ZMYM2: variants seen among roughly 807,000 people sequenced by gnomAD.
The protein encoded by ZMYM2 is zinc finger MYM-type containing 2, also known as zinc finger MYM-type protein 2.
In ZMYM2, 56 loss-of-function variants were observed where a neutral mutation model predicts 162.8. That is an observed-to-expected ratio of 0.34 (90% CI 0.28 to 0.43). ZMYM2 has a LOEUF of 0.43. Among genes scored for constraint, ZMYM2 ranks in the 20% least tolerant of loss-of-function variants. The pLI is 1.00. For missense variants in ZMYM2, 1,275 were observed against 1,621.8 expected (o/e 0.79, Z 3.67); for synonymous variants, 510 against 541.6 (o/e 0.94, Z 0.81).
the ZMYM2 span, among the ~76,000 whole-genome samples, chr13:19,873,005 AAAAT>A: frequency 6.6e-6 from 1 of 151,698 alleles, no homozygotes. Flanking sequence ...ACCCCAAAAA[AAAAT>A]AAATAAATAA....
At chr13:19,988,611 G>A (rs996246250) in intron 2 of ZMYM2, among the ~76,000 whole-genome samples, 16 of 152,034 alleles carry the variant, frequency 1.1e-4, no homozygotes, top group Admixed American at 2.6e-4. Flanking sequence ...GTGAAACCCC[G>A]TCTCTACTGA....
At chr13:20,001,105 A>T (rs1396240217) in intron 3 of ZMYM2, among the ~76,000 whole-genome samples, 2 of 152,166 alleles carry the variant, frequency 1.3e-5, no homozygotes, top group Admixed American at 1.3e-4. Flanking sequence ...GTGGAACCTG[A>T]ATGAGGCTGG....
At chr13:20,022,868 G>A (rs1433332199) in intron 7 of ZMYM2, among the ~76,000 whole-genome samples, 1 of 152,054 alleles carries the variant, frequency 6.6e-6, no homozygotes, top group Non-Finnish European at 1.5e-5. Context: ...TGGTAATAAG[G>A]ACAGATTCAT....
chr13:19,959,404 G>GGCGCT (rs1281044545), intron 1 of ZMYM2, among the ~76,000 whole-genome samples: 1 of 152,084 alleles, frequency 6.6e-6, no homozygotes, highest in Admixed American at 6.5e-5. Context: ...TCTTTTCCTC[G>GGCGCT]GCGCTGCGCT....
At chr13:20,012,801 A>G (rs964708255) in intron 6 of ZMYM2, among the ~76,000 whole-genome samples, 13 of 152,124 alleles carry the variant, frequency 8.5e-5, no homozygotes, top group East Asian at 1.9e-4. Context: ...GATCATTTCT[A>G]TGTTCCACTG....
chr13:20,030,501 C>G (rs1187426772), intron 9 of ZMYM2, among the ~76,000 whole-genome samples: 2 of 151,928 alleles, frequency 1.3e-5, no homozygotes, highest in African/African-American at 4.8e-5. Flanking sequence ...TGGGTTCACG[C>G]CATTCTCCTG....
the ZMYM2 span, among the ~76,000 whole-genome samples, chr13:19,909,145 AT>A: frequency 6.6e-6 from 1 of 152,034 alleles, no homozygotes; most frequent in Non-Finnish European, 1.5e-5. Flanking sequence ...TGTTTATATA[AT>A]TTTTTTCCTA....
At chr13:20,021,004 C>G (rs1952038030) in intron 7 of ZMYM2, among the ~76,000 whole-genome samples, 2 of 150,796 alleles carry the variant, frequency 1.3e-5, no homozygotes, top group African/African-American at 4.9e-5. Flanking sequence ...GAGATGGAGC[C>G]TTGCTCTGTC....
chr13:20,083,869 T>A (rs1958065848), intron 24 of ZMYM2, 93 bp downstream of exon 24: 1 of 1,275,896 alleles, frequency 7.8e-7, no homozygotes, highest in East Asian at 2.5e-5. Flanking sequence ...TTTAGATGGA[T>A]TCTTTCTCAG....
the ZMYM2 span, among the ~76,000 whole-genome samples, chr13:19,927,813 T>G: frequency 1.5e-4 from 23 of 152,304 alleles, no homozygotes; most frequent in Admixed American, 1.1e-3. Flanking sequence ...TTTATATTGT[T>G]GAATAACTTA....
intron 6 of ZMYM2, among the ~76,000 whole-genome samples, chr13:20,010,851 G>A (rs1023685057): frequency 6.6e-6 from 1 of 152,136 alleles, no homozygotes; most frequent in Non-Finnish European, 1.5e-5. Context: ...ATGTTGGTGA[G>A]GCTGGTCTCA....
intron 12 of ZMYM2, among the ~76,000 whole-genome samples, chr13:20,050,864 G>A (rs1222990819): frequency 1.3e-5 from 2 of 151,948 alleles, no homozygotes; most frequent in African/African-American, 4.8e-5. Context: ...TTGGTTTTCA[G>A]AACATTTAAA....
At chr13:20,021,427 A>G (rs1026948768) in intron 7 of ZMYM2, among the ~76,000 whole-genome samples, 1 of 144,716 alleles carries the variant, frequency 6.9e-6, no homozygotes, top group Non-Finnish European at 1.5e-5. Context: ...GAATATTGTG[A>G]ATTTCACATT....
At chr13:19,985,718 A>G (rs2139589970) in intron 2 of ZMYM2, among the ~76,000 whole-genome samples, 1 of 151,826 alleles carries the variant, frequency 6.6e-6, no homozygotes, top group South Asian at 2.1e-4. Flanking sequence ...GAAAAAAAAA[A>G]AGAAAAATTT....
At position 19,971,769 on chromosome 13, in the gene ZMYM2, T is replaced by G. The variant is rs569099212; in HGVS notation, c.-11+11743T>G. On this transcript the variant is annotated intron_variant, in intron 2 of 24. Transcript: ENST00000610343. ...TGTAGGGGAAGAAAGGAGAAAAAAT[T>G]AAGAATGATCTCCAGATTTCTATTA... Among the ~76,000 whole-genome samples the G allele has an allele frequency of 1.4e-4, 21 of 151,898 alleles. No homozygotes were observed. The South Asian group carries it at 2.7e-3, about 20-fold the overall frequency.
chr13:19,894,322 T>G, the ZMYM2 span, among the ~76,000 whole-genome samples: 26 of 151,754 alleles, frequency 1.7e-4, no homozygotes, highest in Non-Finnish European at 3.8e-4. Flanking sequence ...GCAAGGCCTA[T>G]TTTATAATAA....
At chr13:20,016,211 T>C (rs1048594876) in intron 6 of ZMYM2, among the ~76,000 whole-genome samples, 6 of 152,086 alleles carry the variant, frequency 3.9e-5, no homozygotes, top group Non-Finnish European at 7.4e-5. Context: ...AGGCTTTACA[T>C]ATAACATCCT....
chr13:20,014,623 G>T (rs1951460530), intron 6 of ZMYM2, among the ~76,000 whole-genome samples: 2 of 151,044 alleles, frequency 1.3e-5, no homozygotes, highest in Non-Finnish European at 3.0e-5. Context: ...CCAACTTTTG[G>T]GTTTGTTTCT....
chr13:19,962,824 ATT>A (rs34502556), intron 2 of ZMYM2, among the ~76,000 whole-genome samples: 5 of 113,524 alleles, frequency 4.4e-5, no homozygotes, highest in African/African-American at 1.4e-4. Context: ...TTGCCCAGCC[ATT>A]TTTTTTTTTT....
Sources: gnomAD v4.1 joint callset for allele counts (sites outside exome capture counted in the v4.1 genomes callset) on GRCh38, gnomAD v4.1.1 for gene constraint, MANE v1.5 for transcripts, NCBI Gene and HGNC (gene_info 2026-07-23, HGNC 2026-07-21) for gene names.